Variants in NAV3 observed in about 807,000 individuals in gnomAD.
NAV3 encodes the protein pore membrane and/or filament interacting like protein 1.
NAV3 carries 87 observed loss-of-function variants against 244.7 expected under a neutral mutation model. The ratio of observed to expected loss-of-function variants is 0.36; its 90% CI spans 0.30 to 0.42. The LOEUF is 0.42. Among genes scored for constraint, NAV3 ranks in the 20% least tolerant of loss-of-function variants. The probability of loss-of-function intolerance (pLI) is 1.00; values close to 1 mark genes in which losing one functional copy is unlikely to be tolerated. For synonymous variants in NAV3, 1,126 were observed against 1,042.2 expected (o/e 1.08, Z -1.55); for missense variants, 2,663 against 2,893.3 (o/e 0.92, Z 1.83).
chr12:77,721,195 T>C (rs1876615946), intron 2 of NAV3, among the ~76,000 whole-genome samples: 1 of 152,158 alleles, frequency 6.6e-6, no homozygotes, highest in Non-Finnish European at 1.5e-5. Context: ...TATTGTCGAA[T>C]ATTCATCTGG....
At chr12:77,851,924 C>G (rs1337631657) in intron 1 of NAV3, among the ~76,000 whole-genome samples, 1 of 152,132 alleles carries the variant, frequency 6.6e-6, no homozygotes, top group Non-Finnish European at 1.5e-5. Flanking sequence ...TTCGTGTGTA[C>G]TACCGTTATC....
At chr12:77,800,530 A>G (rs1043742674) in intron 2 of NAV3, among the ~76,000 whole-genome samples, 1 of 152,110 alleles carries the variant, frequency 6.6e-6, no homozygotes, top group Non-Finnish European at 1.5e-5. Flanking sequence ...TTAGTTTTTT[A>G]ATACTTACAA....
intron 8 of NAV3, among the ~76,000 whole-genome samples, chr12:78,019,142 A>G (rs1281697809): frequency 1.3e-5 from 2 of 152,052 alleles, no homozygotes; most frequent in African/African-American, 2.4e-5. Context: ...ATTTTTTCTT[A>G]TTTTTACAGA....
At chr12:77,748,201 T>TA (rs1237383661) in intron 2 of NAV3, among the ~76,000 whole-genome samples, 3 of 152,184 alleles carry the variant, frequency 2.0e-5, no homozygotes, top group Non-Finnish European at 4.4e-5. Flanking sequence ...GGTGATTTTA[T>TA]AATAAAATAC....
chr12:77,738,846 TAA>T (rs1015464767), intron 2 of NAV3, among the ~76,000 whole-genome samples: 1 of 151,410 alleles, frequency 6.6e-6, no homozygotes, highest in Non-Finnish European at 1.5e-5. Flanking sequence ...CCGTCTCTAC[TAA>T]AAAATACAAA....
chr12:77,973,341 C>G (rs1159224642), intron 5 of NAV3, among the ~76,000 whole-genome samples: 1 of 151,930 alleles, frequency 6.6e-6, no homozygotes, highest in Non-Finnish European at 1.5e-5. Context: ...GTGGCAAAAC[C>G]AGTGGTGATA....
intron 12 of NAV3, among the ~76,000 whole-genome samples, chr12:78,102,410 G>C (rs1954582083): frequency 6.6e-6 from 1 of 152,208 alleles, no homozygotes; most frequent in Admixed American, 6.5e-5. Context: ...TGCCCCTGTG[G>C]CTTTGCAGGG....
intron 12 of NAV3, among the ~76,000 whole-genome samples, chr12:78,085,658 G>C (rs558507300): frequency 3.9e-5 from 6 of 152,024 alleles, no homozygotes; most frequent in African/African-American, 1.4e-4. Flanking sequence ...AACATATTGC[G>C]TGTGGGCTGA....
chr12:77,786,590 T>A (rs1283583588), intron 2 of NAV3, among the ~76,000 whole-genome samples: 1 of 152,198 alleles, frequency 6.6e-6, no homozygotes, highest in Non-Finnish European at 1.5e-5. Context: ...ATAATTTCTT[T>A]TAACATTTTG....
At chr12:78,087,092 C>T (rs1465348424) in intron 12 of NAV3, among the ~76,000 whole-genome samples, 3 of 151,946 alleles carry the variant, frequency 2.0e-5, no homozygotes, top group Non-Finnish European at 4.4e-5. Flanking sequence ...ATTTGTTAGG[C>T]TGCAGAGCTG....
chr12:77,955,940 CTG>C (rs2137736896), intron 3 of NAV3, among the ~76,000 whole-genome samples: 1 of 152,190 alleles, frequency 6.6e-6, no homozygotes, highest in Admixed American at 6.5e-5. Context: ...GTCTGTGTTT[CTG>C]TGTCATAATA....
intron 2 of NAV3, among the ~76,000 whole-genome samples, chr12:77,643,517 G>A (rs1872506036): frequency 6.6e-6 from 1 of 151,496 alleles, no homozygotes; most frequent in Non-Finnish European, 1.5e-5. Flanking sequence ...GATGTTCAAT[G>A]AATATCATTC....
At chr12:77,805,457 G>A (rs1490502086) in intron 2 of NAV3, among the ~76,000 whole-genome samples, 1 of 152,154 alleles carries the variant, frequency 6.6e-6, no homozygotes, top group African/African-American at 2.4e-5. Flanking sequence ...CTGTTTATCT[G>A]ATGGATTACA....
At chr12:78,195,644 C>T (rs1959166726) in intron 34 of NAV3, among the ~76,000 whole-genome samples, 1 of 151,932 alleles carries the variant, frequency 6.6e-6, no homozygotes, top group East Asian at 1.9e-4. Flanking sequence ...CCTCCTTTAT[C>T]CTCTCTCATG....
At chr12:78,142,721 A>G (rs548548563) in intron 20 of NAV3, among the ~76,000 whole-genome samples, 4 of 56,412 alleles carry the variant, frequency 7.1e-5, no homozygotes, top group African/African-American at 1.5e-4. Flanking sequence ...ATATACATAT[A>G]TATGTGTGTG....
At chr12:77,848,002 A>G (rs1027773847) in intron 1 of NAV3, among the ~76,000 whole-genome samples, 6 of 152,144 alleles carry the variant, frequency 3.9e-5, no homozygotes, top group African/African-American at 1.4e-4. Context: ...TCTCTTGTGG[A>G]TGTGTTGCTA....
intron 4 of NAV3, among the ~76,000 whole-genome samples, chr12:77,968,230 C>T (rs1425012035): frequency 6.6e-6 from 1 of 152,202 alleles, no homozygotes; most frequent in Non-Finnish European, 1.5e-5. Context: ...TTCTAAGAAG[C>T]AGCTAACTCG....
intron 39 of NAV3, among the ~76,000 whole-genome samples, chr12:78,206,168 A>G (rs116030710): frequency 2.0e-5 from 3 of 152,188 alleles, no homozygotes; most frequent in South Asian, 4.1e-4. Context: ...TCACTGAAGT[A>G]TATATATAGA....
chr12:77,721,157 C>T (rs1876613402), intron 2 of NAV3, among the ~76,000 whole-genome samples: 1 of 152,126 alleles, frequency 6.6e-6, no homozygotes, highest in East Asian at 1.9e-4. Context: ...AGCTCCGAAA[C>T]TCTATTCTTT....
Sources: allele counts gnomAD v4.1 joint callset (sites outside exome capture counted in the v4.1 genomes callset), GRCh38; gene constraint gnomAD v4.1.1; transcripts MANE v1.5; gene names NCBI Gene and HGNC (gene_info 2026-07-23, HGNC 2026-07-21).